The following CNTN5 variants were observed in gnomAD, a reference collection of about 807,000 sequenced individuals.
The protein encoded by CNTN5 is contactin-5.
Under a neutral mutation model 129.1 loss-of-function variants are expected in CNTN5, and 77 were observed. That is an observed-to-expected ratio of 0.60 (90% confidence interval 0.50 to 0.72). The LOEUF (loss-of-function observed/expected upper bound fraction) is 0.72. Among genes scored for constraint, CNTN5 ranks in the 30% least tolerant of loss-of-function variants. CNTN5 has a pLI of 0.00. For synonymous variants in CNTN5, 509 were observed against 465.6 expected, an observed-to-expected ratio of 1.09 and a Z score of -1.20; for missense variants, 1,478 against 1,328.8, an observed-to-expected ratio of 1.11 and a Z score of -1.75.
chr11:99,363,063 T>C (rs1287588103), intron 2 of CNTN5, among the ~76,000 whole-genome samples: 1 of 152,064 alleles, frequency 6.6e-6, no homozygotes, highest in Non-Finnish European at 1.5e-5. Flanking sequence ...AAAAAATCCG[T>C]AGGATTTTGA....
chr11:99,104,650 A>G (rs1319887528), intron 1 of CNTN5, among the ~76,000 whole-genome samples: 1 of 151,972 alleles, frequency 6.6e-6, no homozygotes, highest in Non-Finnish European at 1.5e-5. Flanking sequence ...ACGTGTATAT[A>G]TATATATCAA....
At chr11:99,662,573 A>C (rs1952634420) in intron 3 of CNTN5, among the ~76,000 whole-genome samples, 1 of 152,226 alleles carries the variant, frequency 6.6e-6, no homozygotes, top group Non-Finnish European at 1.5e-5. Context: ...ATTTATCTTC[A>C]AAATTTTTAA....
chr11:99,494,586 C>T (rs1225230347), intron 2 of CNTN5, among the ~76,000 whole-genome samples: 1 of 152,030 alleles, frequency 6.6e-6, no homozygotes, highest in Non-Finnish European at 1.5e-5. Flanking sequence ...GAAAAAAAGT[C>T]TACTCTGGAA....
intron 3 of CNTN5, among the ~76,000 whole-genome samples, chr11:99,710,829 A>G (rs960235083): frequency 6.6e-6 from 1 of 151,928 alleles, no homozygotes; most frequent in African/African-American, 2.4e-5. Flanking sequence ...TTGAATAGTT[A>G]TAAAATCCTT....
chr11:99,942,958 A>G (rs553075204), intron 7 of CNTN5, among the ~76,000 whole-genome samples: 59 of 152,182 alleles, frequency 3.9e-4, no homozygotes, highest in Non-Finnish European at 5.3e-4. Context: ...ATTGATAAGT[A>G]TTTGGGTTGG....
intron 1 of CNTN5, among the ~76,000 whole-genome samples, chr11:99,031,840 T>C (rs1333014270): frequency 7.9e-5 from 12 of 151,560 alleles, no homozygotes; most frequent in Admixed American, 6.6e-5. Flanking sequence ...TATGTATACA[T>C]GTGCCATGCT....
chr11:99,471,350 A>G (rs1565210254), intron 2 of CNTN5, among the ~76,000 whole-genome samples: 1 of 152,080 alleles, frequency 6.6e-6, no homozygotes, highest in Admixed American at 6.6e-5. Context: ...AATATTAGAA[A>G]TGAAGTCAGT....
chr11:99,160,103 C>T (rs1439981048), intron 1 of CNTN5, among the ~76,000 whole-genome samples: 2 of 152,106 alleles, frequency 1.3e-5, no homozygotes, highest in African/African-American at 2.4e-5. Context: ...AATATAGGAA[C>T]GTCTCTTGGT....
intron 1 of CNTN5, among the ~76,000 whole-genome samples, chr11:99,137,251 T>A (rs542709585): frequency 2.0e-5 from 3 of 152,184 alleles, no homozygotes; most frequent in African/African-American, 7.2e-5. Context: ...TCGGACATTC[T>A]ACTGTTTAAA....
intron 9 of CNTN5, among the ~76,000 whole-genome samples, chr11:100,005,963 T>C (rs1442425177): frequency 1.3e-5 from 2 of 152,112 alleles, no homozygotes; most frequent in African/African-American, 4.8e-5. Context: ...TTCCTAGATA[T>C]ACAGTCATTC....
intron 4 of CNTN5, among the ~76,000 whole-genome samples, chr11:99,841,818 A>G (rs1179274870): frequency 7.0e-6 from 1 of 143,584 alleles, no homozygotes; most frequent in Non-Finnish European, 1.5e-5. Context: ...GTGTGTATAT[A>G]TGTGTGTATA....
intron 3 of CNTN5, among the ~76,000 whole-genome samples, chr11:99,732,918 T>G (rs1282504829): frequency 1.3e-5 from 2 of 152,164 alleles, no homozygotes; most frequent in Non-Finnish European, 2.9e-5. Flanking sequence ...ATAAAAGATA[T>G]GCCTTTTATT....
chr11:99,312,084 T>G (rs1865137798), intron 1 of CNTN5, among the ~76,000 whole-genome samples: 1 of 152,142 alleles, frequency 6.6e-6, no homozygotes, highest in African/African-American at 2.4e-5. Flanking sequence ...TTGCATCACG[T>G]GATATGAAAT....
At position 99,228,878 on chromosome 11, in the gene CNTN5, T is replaced by C. The variant is rs1222879612; in HGVS notation, c.-209-96468T>C. Among the ~76,000 whole-genome samples the C allele has an allele frequency of 2.6e-5, 4 of 152,226 alleles. No homozygotes were observed. In the East Asian group the frequency reaches 7.7e-4, roughly 29 times the overall value. On this transcript the variant is annotated intron_variant, in intron 1 of 24. Coordinates refer to ENST00000524871, the MANE Select transcript of CNTN5 (RefSeq NM_014361.4). ...TTTTTAATGATGGCATTTTGTGCTG[T>C]GCATTCGTTAATACTGTATATATTT...
intron 15 of CNTN5, among the ~76,000 whole-genome samples, chr11:100,220,444 C>A (rs866573543): frequency 1.1e-4 from 16 of 152,104 alleles, no homozygotes; most frequent in Admixed American, 2.6e-4. Context: ...ACTAAAAATG[C>A]TTAATACATA....
chr11:99,885,061 T>A (rs560512437), intron 6 of CNTN5, among the ~76,000 whole-genome samples: 1 of 152,080 alleles, frequency 6.6e-6, no homozygotes, highest in Non-Finnish European at 1.5e-5. Context: ...GGAGAGTGTA[T>A]CACCTTAGCC....
chr11:99,306,784 T>C (rs921265492), intron 1 of CNTN5, among the ~76,000 whole-genome samples: 103 of 142,714 alleles, frequency 7.2e-4, no homozygotes, highest in African/African-American at 2.6e-3. Context: ...ATAATAATAA[T>C]TTATTGTGAT....
At chr11:99,813,788 A>T (rs1391052481) in intron 3 of CNTN5, among the ~76,000 whole-genome samples, 1 of 152,186 alleles carries the variant, frequency 6.6e-6, no homozygotes, top group Admixed American at 6.6e-5. Flanking sequence ...AGGAAAAAGA[A>T]ATAACTGTGT....
At chr11:99,694,704 G>A (rs1954192119) in intron 3 of CNTN5, among the ~76,000 whole-genome samples, 2 of 151,934 alleles carry the variant, frequency 1.3e-5, no homozygotes, top group African/African-American at 4.8e-5. Context: ...AGTGTGTGAT[G>A]TTCCTCTCCC....
Sources: allele counts gnomAD v4.1 joint callset (sites outside exome capture counted in the v4.1 genomes callset), GRCh38; gene constraint gnomAD v4.1.1; transcripts MANE v1.5; gene names NCBI Gene and HGNC (gene_info 2026-07-23, HGNC 2026-07-21).